Variants in KCNH1 observed in about 807,000 individuals in gnomAD.
The protein encoded by KCNH1 is voltage-gated delayed rectifier potassium channel KCNH1.
KCNH1 carries 27 observed loss-of-function variants against 69.2 expected under a neutral mutation model. That is an observed-to-expected ratio of 0.39 (90% CI 0.29 to 0.54). The LOEUF is 0.54. KCNH1 is among the 20% of genes least tolerant of loss of function. The probability of loss-of-function intolerance (pLI) is 0.68; values close to 1 mark genes in which losing one functional copy is unlikely to be tolerated. For missense variants in KCNH1, 798 were observed against 1,261.6 expected (o/e 0.63, Z 5.57); for synonymous variants, 456 against 487.7 (o/e 0.93, Z 0.86).
intron 1 of KCNH1, among the ~76,000 whole-genome samples, chr1:211,128,257 C>A (rs1273083003): frequency 1.4e-5 from 2 of 148,034 alleles, no homozygotes; most frequent in Non-Finnish European, 3.0e-5. Flanking sequence ...CCACTGCACT[C>A]CAGCGACAAA....
intron 10 of KCNH1, among the ~76,000 whole-genome samples, chr1:210,708,683 G>A (rs558271472): frequency 4.6e-5 from 7 of 152,110 alleles, no homozygotes; most frequent in African/African-American, 9.6e-5. Context: ...GCCTGCAGTC[G>A]GAAATAACTA....
Position 210,948,827 on chromosome 1 carries a change from C to CA in KCNH1, c.1033-28759dup, listed in dbSNP as rs1024304929. On this transcript the variant is annotated intron_variant, in intron 6 of 10. Transcript: ENST00000271751. The stretch of plus-strand genomic sequence containing the variant: ...TGGGCCACAGAGCAAGACTCCATCT[C>CA]AAAAAAAAGGAAAAAAAAAAAAAGA... 3.9e-5 allele frequency among the ~76,000 whole-genome samples: 5 copies of CA among 129,340 alleles called. No individual in the cohort carries two copies. The South Asian group carries it at 7.3e-4, about 19-fold the overall frequency. The allele number at this position is 129,340 out of a possible 152,430, so 84.9% of individuals were successfully genotyped here. A position where few individuals can be genotyped will look rare whatever the true frequency, so the allele number is the denominator to read the frequency against.
At chr1:210,974,374 TC>T (rs1688563646) in intron 6 of KCNH1, among the ~76,000 whole-genome samples, 1 of 152,084 alleles carries the variant, frequency 6.6e-6, no homozygotes, top group South Asian at 2.1e-4. Flanking sequence ...CAGATAAATC[TC>T]TTTTGGTAAT....
chr1:210,958,576 A>G (rs1688228126), intron 6 of KCNH1, among the ~76,000 whole-genome samples: 1 of 152,220 alleles, frequency 6.6e-6, no homozygotes, highest in Non-Finnish European at 1.5e-5. Context: ...CTTTTCACAT[A>G]GTCCCAAATT....
intron 9 of KCNH1, among the ~76,000 whole-genome samples, chr1:210,790,923 C>T (rs1021791550): frequency 2.6e-5 from 4 of 152,198 alleles, no homozygotes; most frequent in Non-Finnish European, 5.9e-5. Context: ...AGCCCCATAT[C>T]CCACTGCTGC....
At chr1:210,782,532 C>T (rs1229946575) in intron 9 of KCNH1, among the ~76,000 whole-genome samples, 1 of 152,086 alleles carries the variant, frequency 6.6e-6, no homozygotes, top group Non-Finnish European at 1.5e-5. Flanking sequence ...TTGAGACCAG[C>T]CTGGCCAATG....
chr1:210,863,860 A>C (rs910674076), intron 7 of KCNH1, among the ~76,000 whole-genome samples: 7 of 151,918 alleles, frequency 4.6e-5, no homozygotes, highest in African/African-American at 1.7e-4. Flanking sequence ...GTACTCTTGA[A>C]CTCTGTCAAC....
At chr1:211,118,224 T>C (rs1229998504) in intron 1 of KCNH1, among the ~76,000 whole-genome samples, 1 of 152,202 alleles carries the variant, frequency 6.6e-6, no homozygotes, top group African/African-American at 2.4e-5. Flanking sequence ...TGCACACACA[T>C]ACCACACACG....
At chr1:211,038,453 C>T (rs1321228180) in intron 5 of KCNH1, among the ~76,000 whole-genome samples, 12 of 152,058 alleles carry the variant, frequency 7.9e-5, no homozygotes, top group South Asian at 4.1e-4. Flanking sequence ...AAAAGATACC[C>T]GAAAATGTGG....
At chr1:210,846,227 T>C (rs575708398) in intron 7 of KCNH1, among the ~76,000 whole-genome samples, 2 of 152,162 alleles carry the variant, frequency 1.3e-5, no homozygotes, top group African/African-American at 4.8e-5. Flanking sequence ...TGGAAAAAAC[T>C]ACTTTAAAGT....
intron 6 of KCNH1, among the ~76,000 whole-genome samples, chr1:210,938,754 A>T (rs555618105): frequency 2.6e-5 from 4 of 152,340 alleles, no homozygotes; most frequent in African/African-American, 9.6e-5. Flanking sequence ...TCCCAGTGGG[A>T]AGATGAGTCA....
chr1:211,019,243 C>T lies in KCNH1; in HGVS notation c.572G>A (p.Gly191Asp). 1.2e-6 allele frequency: 2 copies of T among 1,605,104 alleles called. No individual in the cohort carries two copies. Among genetic ancestry groups the T allele is most frequent in the East Asian group, 4.5e-5 (2 of 44,854 alleles). ...HSRLAEVLQL[G>D]SDILPQYKQE... Reference sequence around the variant, plus strand: ...CTTGTACTGGGGAAGGATGTCTGAGCCCAGCTGTAGGACCTGTACAGAAAA... The same window carrying T: ...CTTGTACTGGGGAAGGATGTCTGAGTCCAGCTGTAGGACCTGTACAGAAAA... Residue 191 changes from glycine to aspartate, a missense_variant, in exon 6 of 11, where the codon GGC becomes GAC. Gly to Asp is a moderately conservative substitution (Grantham distance 94). Coordinates refer to ENST00000271751, the MANE Select transcript of KCNH1 (RefSeq NM_172362.3).
intron 5 of KCNH1, among the ~76,000 whole-genome samples, chr1:211,020,785 T>C (rs1456070267): frequency 3.3e-5 from 5 of 151,812 alleles, no homozygotes; most frequent in Non-Finnish European, 1.5e-5. Context: ...AAAAAAAAGG[T>C]ATACTCTATA....
chr1:211,069,584 T>A (rs1690598074), intron 5 of KCNH1, among the ~76,000 whole-genome samples: 1 of 152,112 alleles, frequency 6.6e-6, no homozygotes, highest in African/African-American at 2.4e-5. Context: ...GTAATTGATA[T>A]AAAGAATGTC....
chr1:210,850,482 G>T (rs539704039), intron 7 of KCNH1, among the ~76,000 whole-genome samples: 2 of 152,250 alleles, frequency 1.3e-5, no homozygotes, highest in East Asian at 3.9e-4. Flanking sequence ...CCGCACTCCA[G>T]CCTGGATGAC....
At chr1:210,844,566 A>G (rs1183729949) in intron 7 of KCNH1, among the ~76,000 whole-genome samples, 2 of 152,240 alleles carry the variant, frequency 1.3e-5, no homozygotes, top group Non-Finnish European at 2.9e-5. Context: ...TCTCTGGGAC[A>G]CATTCAAAGC....
At chr1:210,687,208 A>G (rs1681425588) in intron 10 of KCNH1, among the ~76,000 whole-genome samples, 1 of 152,204 alleles carries the variant, frequency 6.6e-6, no homozygotes, top group South Asian at 2.1e-4. Flanking sequence ...TGTACAGCAA[A>G]GGCTTAACAT....
intron 10 of KCNH1, among the ~76,000 whole-genome samples, chr1:210,760,671 A>C (rs1398818318): frequency 6.6e-6 from 1 of 152,218 alleles, no homozygotes; most frequent in African/African-American, 2.4e-5. Flanking sequence ...GGGAGGCCTC[A>C]CGATCATGGC....
At chr1:211,069,741 A>G (rs527934080) in intron 5 of KCNH1, among the ~76,000 whole-genome samples, 4 of 140,644 alleles carry the variant, frequency 2.8e-5, no homozygotes, top group Non-Finnish European at 4.7e-5. Context: ...TTATTACAGT[A>G]CTACAGTATA....
Sources: allele counts gnomAD v4.1 joint callset (sites outside exome capture counted in the v4.1 genomes callset), GRCh38; gene constraint gnomAD v4.1.1; transcripts MANE v1.5; gene names NCBI Gene and HGNC (gene_info 2026-07-23, HGNC 2026-07-21).